ABI3BP: variants seen among roughly 807,000 people sequenced by gnomAD.
The protein encoded by ABI3BP is ABI family member 3 binding protein, also known as target of Nesh-SH3.
A neutral mutation model predicts 268.6 loss-of-function variants in ABI3BP; 216 were observed. The ratio of observed to expected loss-of-function variants is 0.80; its 90% CI spans 0.72 to 0.90. The LOEUF is 0.90. Ranked by LOEUF, ABI3BP falls within the 40% of genes least tolerant of loss-of-function variation. The pLI is 0.00. For synonymous variants in ABI3BP, 730 were observed against 730.0 expected (o/e 1.00, Z 0.00); for missense variants, 2,090 against 2,182.4 (o/e 0.96, Z 0.84).
At chr3:100,758,424 C>A (rs895110188) in intron 63 of ABI3BP, among the ~76,000 whole-genome samples, 18 of 152,084 alleles carry the variant, frequency 1.2e-4, no homozygotes, top group African/African-American at 4.3e-4. Flanking sequence ...ATATTTGTAT[C>A]TCTAGATAAT....
chr3:100,889,451 A>G (rs571910553), intron 4 of ABI3BP, among the ~76,000 whole-genome samples: 16 of 152,316 alleles, frequency 1.1e-4, no homozygotes, highest in African/African-American at 3.6e-4. Context: ...AGCATTTCAC[A>G]TTATTGAAGG....
At chr3:100,852,144 G>T (rs190632569) in intron 14 of ABI3BP, among the ~76,000 whole-genome samples, 7 of 152,138 alleles carry the variant, frequency 4.6e-5, no homozygotes, top group South Asian at 2.1e-4. Context: ...GCTCTGAACC[G>T]CAGGATTTTA....
chr3:100,961,858 T>G (rs1467723347), intron 1 of ABI3BP, among the ~76,000 whole-genome samples: 1 of 152,204 alleles, frequency 6.6e-6, no homozygotes, highest in Non-Finnish European at 1.5e-5. Flanking sequence ...GCCTCTTCCA[T>G]GGTACATAAT....
chr3:100,885,661 G>A (rs750759651), intron 5 of ABI3BP, 73 bp from the exon 6 acceptor site: 12 of 879,250 alleles, frequency 1.4e-5, no homozygotes, highest in Non-Finnish European at 2.1e-5. Context: ...TAATCATTAT[G>A]AAGACAACTA....
intron 63 of ABI3BP, among the ~76,000 whole-genome samples, chr3:100,756,066 G>A (rs193176774): frequency 1.1e-3 from 163 of 152,242 alleles, no homozygotes; most frequent in African/African-American, 3.7e-3. Flanking sequence ...TACAACAATG[G>A]CAACCATTTT....
chr3:100,974,283 G>T lies in ABI3BP; in HGVS notation c.79+19023C>A, dbSNP rs2085030181. Among the ~76,000 whole-genome samples, 6 of 152,280 alleles carry T rather than the reference G, an allele frequency of 3.9e-5. 1 individual carries two copies. In the South Asian group the frequency reaches 1.2e-3, roughly 32 times the overall value. On this transcript the variant is annotated intron_variant, in intron 1 of 67. Coordinates refer to ENST00000471714, the MANE Select transcript of ABI3BP (RefSeq NM_001375547.2). ...TTATCCAAGAGAAATAAAAATGTGT[G>T]TTCACACAAAGACCTATGTAAGCAA...
chr3:100,937,303 C>A (rs559047606), intron 1 of ABI3BP, among the ~76,000 whole-genome samples: 1 of 152,076 alleles, frequency 6.6e-6, no homozygotes, highest in South Asian at 2.1e-4. Flanking sequence ...AGCTAATAAC[C>A]TATTAATTTC....
intron 51 of ABI3BP, among the ~76,000 whole-genome samples, chr3:100,802,576 G>GT (rs2097563708): frequency 6.6e-6 from 1 of 152,098 alleles, no homozygotes; most frequent in Non-Finnish European, 1.5e-5. Context: ...TGGCTGGAAG[G>GT]TTTTTTCTAA....
At chr3:100,825,294 G>C (rs1284614941) in intron 35 of ABI3BP, among the ~76,000 whole-genome samples, 2 of 152,004 alleles carry the variant, frequency 1.3e-5, no homozygotes, top group Non-Finnish European at 2.9e-5. Context: ...TAAGATTTCA[G>C]ACTTCAGTAA....
At chr3:100,805,084 C>T (rs947884033) in intron 50 of ABI3BP, among the ~76,000 whole-genome samples, 2 of 152,000 alleles carry the variant, frequency 1.3e-5, no homozygotes, top group African/African-American at 4.8e-5. Context: ...CGAGAAACTG[C>T]AAAATTTCAA....
At position 100,865,539 on chromosome 3, in the gene ABI3BP, A is replaced by G. The variant is rs545320984; in HGVS notation, c.989-632T>C. On this transcript the variant is annotated intron_variant, in intron 10 of 67. Transcript: ENST00000471714. ...CACACTCCTTCCCCACCAGCCAGTC[A>G]ACAGTTTTGGAGAAATAAGAACTAA... Among the ~76,000 whole-genome samples the G allele has an allele frequency of 3.3e-5, 5 of 152,342 alleles. No individual in the cohort carries two copies. In the South Asian group the frequency reaches 1.0e-3, roughly 32 times the overall value.
rs757718470 is a variant in ABI3BP at position 100,846,389 on chromosome 3, A to C, written c.1706T>G (p.Val569Gly). 3.6e-5 allele frequency: 57 copies of C among 1,600,154 alleles called. No homozygotes were observed. Among genetic ancestry groups the C allele is most frequent in the Non-Finnish European group, 4.8e-5 (56 of 1,172,798 alleles). ...GTAATTACCAGGTTTGGTGTGTGTC[A>C]CTTCTGGGCTGAGAGGGATTTTAGG... Reference protein sequence around the residue: ...LKPKIPLSPEVTHTKPAPEPQ... With the variant: ...LKPKIPLSPEGTHTKPAPEPQ... Residue 569 changes from valine (V) to glycine (G), a missense_variant, in exon 20 of 68, where the codon GTG (valine) becomes GGG (glycine). Transcript: ENST00000471714.
At chr3:100,906,403 T>C (rs1011708626) in intron 2 of ABI3BP, among the ~76,000 whole-genome samples, 1 of 152,182 alleles carries the variant, frequency 6.6e-6, no homozygotes, top group African/African-American at 2.4e-5. Flanking sequence ...AACATACACA[T>C]ATTTTGGGAG....
In ABI3BP at chr3:100,834,740, C is replaced by A. The variant is rs1020356817; in HGVS notation, c.2225G>T (p.Arg742Leu). The A allele has an allele frequency of 6.5e-7, 1 of 1,535,534 alleles. No homozygotes were observed. Among genetic ancestry groups the A allele is most frequent in the African/African-American group, 1.4e-5 (1 of 72,976 alleles). Residue 742 changes from arginine (R) to leucine (L), a missense_variant, in exon 29 of 68, where the codon CGT becomes CTT. Physicochemically the swap from Arg to Leu is moderately radical, Grantham distance 102 (BLOSUM62 -2). Transcript: ENST00000471714. ...CGTGGTTTTATGTTTGGGACGTGGA[C>A]GACGTGTTCTTGTTCGTTGCGATGT... ...PKTSQRTRTR[R>L]PRPKHKTTPR...
chr3:100,866,379 T>C (rs2099051182), intron 10 of ABI3BP, among the ~76,000 whole-genome samples: 1 of 152,216 alleles, frequency 6.6e-6, no homozygotes, highest in Non-Finnish European at 1.5e-5. Flanking sequence ...GCATTAATTC[T>C]TTGAAGGATT....
rs116332284 is a variant in ABI3BP, at chr3:100,824,140, A to G, written c.2747-626T>C. Among the ~76,000 whole-genome samples the G allele has an allele frequency of 3.5e-3, 540 of 152,314 alleles. 5 individuals carry two copies. The highest frequency in any genetic ancestry group is 5.3e-3 in the Non-Finnish European group (359 of 68,020). ...CAAAGACTTTTGATGTCTCTGTATCAAATCTAAGCTTCTGAATCAGGTCCT... is the reference window on the plus strand; with the variant it reads ...CAAAGACTTTTGATGTCTCTGTATCGAATCTAAGCTTCTGAATCAGGTCCT... On this transcript the variant is annotated intron_variant, in intron 36 of 67. Transcript: ENST00000471714.
intron 1 of ABI3BP, among the ~76,000 whole-genome samples, chr3:100,963,921 G>A (rs926873593): frequency 3.3e-5 from 5 of 152,184 alleles, no homozygotes; most frequent in Admixed American, 1.3e-4. Flanking sequence ...AGCCTCCTCT[G>A]ACATCCCAGG....
intron 19 of ABI3BP, among the ~76,000 whole-genome samples, chr3:100,847,263 GT>G (rs551117425): frequency 8.5e-5 from 13 of 152,288 alleles, no homozygotes; most frequent in South Asian, 4.1e-4. Context: ...GAAGTTGGAA[GT>G]TGAACTTGAG....
chr3:100,808,346 A>G, intron 49 of ABI3BP, 111 bp from the exon 50 acceptor site: 1 of 685,558 alleles, frequency 1.5e-6, no homozygotes, highest in Non-Finnish European at 2.3e-6. Flanking sequence ...TAAATACTCA[A>G]CAATGAAGGC....
Sources: gnomAD v4.1 joint callset for allele counts (sites outside exome capture counted in the v4.1 genomes callset) on GRCh38, gnomAD v4.1.1 for gene constraint, MANE v1.5 for transcripts, NCBI Gene and HGNC (gene_info 2026-07-23, HGNC 2026-07-21) for gene names.